The following SGTA variants were observed in gnomAD, a reference collection of about 807,000 sequenced individuals.
SGTA encodes the protein small glutamine rich tetratricopeptide repeat co-chaperone alpha, also known as small glutamine-rich tetratricopeptide repeat-containing protein alpha.
SGTA carries 22 observed loss-of-function variants against 44.3 expected under a neutral mutation model. That is an observed-to-expected ratio of 0.50 (90% confidence interval 0.36 to 0.71). SGTA has a LOEUF of 0.71. SGTA is among the 30% of genes least tolerant of loss of function. SGTA has a pLI of 0.00. For synonymous variants in SGTA, 174 were observed against 177.6 expected, an observed-to-expected ratio of 0.98 and a Z score of 0.16; for missense variants, 341 against 435.9, an observed-to-expected ratio of 0.78 and a Z score of 1.94.
chr19:2,773,965 G>A (rs1297410347), intron 1 of SGTA, among the ~76,000 whole-genome samples: 1 of 137,340 alleles, frequency 7.3e-6, no homozygotes, highest in Admixed American at 7.0e-5. Context: ...TGGGTGACGC[G>A]GCCACAGGGC....
At chr19:2,776,513 A>G (rs1291048926) in intron 1 of SGTA, among the ~76,000 whole-genome samples, 1 of 152,198 alleles carries the variant, frequency 6.6e-6, no homozygotes, top group Non-Finnish European at 1.5e-5. Flanking sequence ...ACAGAGACCA[A>G]AAGTGGAATT....
At chr19:2,756,059 G>T (rs773915184) in intron 11 of SGTA, 126 bp from the exon 12 acceptor site, 1 of 364,318 alleles carries the variant, frequency 2.7e-6, no homozygotes, top group Non-Finnish European at 3.8e-6. Context: ...TTCAACGAAC[G>T]TCAGAGCCAC....
At chr19:2,766,399 G>A (rs1408122113) in intron 4 of SGTA, among the ~76,000 whole-genome samples, 1 of 152,006 alleles carries the variant, frequency 6.6e-6, no homozygotes, top group Admixed American at 6.6e-5. Flanking sequence ...AGGCATTTAA[G>A]CTGTTTTTGC....
Position 2,765,328 on chromosome 19 carries a change from C to G in SGTA, c.293-43G>C, listed in dbSNP as rs1191423705. The G allele has an allele frequency of 6.9e-7, 1 of 1,455,838 alleles. No individual in the cohort carries two copies. Among genetic ancestry groups the G allele is most frequent in the Non-Finnish European group, 9.6e-7 (1 of 1,042,874 alleles). The allele number at this position is 1,455,838 out of a possible 1,614,324, so 90.2% of individuals were successfully genotyped here. ...AACACCGGCCCGGTGTCCACACAGACCGGAGGGGGTGTCAGGGAGAGAGGA... is the reference window on the plus strand; with the variant it reads ...AACACCGGCCCGGTGTCCACACAGAGCGGAGGGGGTGTCAGGGAGAGAGGA... On this transcript the variant is annotated intron_variant, in intron 4 of 11. Transcript: ENST00000221566. This position sits in a 1 kb window ranked among gnomAD's most constrained non-coding sequence, Gnocchi z 5.5.
At chr19:2,757,639 C>G (rs368414466) in intron 10 of SGTA, 54 bp downstream of exon 10, 12 of 1,471,994 alleles carry the variant, frequency 8.2e-6, no homozygotes, top group Non-Finnish European at 1.0e-5. Flanking sequence ...CTTCCGCCTG[C>G]GAGCCCTGCC....
At chr19:2,778,337 G>A (rs1169073271) in intron 1 of SGTA, among the ~76,000 whole-genome samples, 9 of 152,274 alleles carry the variant, frequency 5.9e-5, no homozygotes, top group African/African-American at 1.9e-4. Flanking sequence ...CTTAAACTGA[G>A]GTGTGAGAAC....
rs950379275 is a variant in SGTA, at chr19:2,763,809, G to A, written c.393-52C>T. ...CCTCACTGGCGGCTCTGAGCCCAGC[G>A]GGCAGCCCTTGAGGGGAGCCTGAGA... On this transcript the variant is annotated intron_variant, in intron 5 of 11. Coordinates refer to ENST00000221566, the MANE Select transcript of SGTA (RefSeq NM_003021.4). This position sits in a 1 kb window ranked among gnomAD's most constrained non-coding sequence, Gnocchi z 5.8. 56 of 1,497,166 alleles carry A rather than the reference G, an allele frequency of 3.7e-5. No homozygotes were observed. The highest frequency in any genetic ancestry group is 8.2e-5 in the South Asian group (7 of 85,818). The allele number at this position is 1,497,166 out of a possible 1,614,324, so 92.7% of individuals were successfully genotyped here.
chr19:2,772,824 G>C (rs10412264), intron 1 of SGTA, among the ~76,000 whole-genome samples: 31,730 of 93,314 alleles, frequency 0.34, 4,573 homozygotes, highest in East Asian at 0.58. Flanking sequence ...CGCGGCCACA[G>C]GGCAGGGACA....
chr19:2,755,974 G>A lies in SGTA; in HGVS notation c.*7-41C>T. ...CATGAAGGCTGTCAGAGCGCAGGTG[G>A]GGACCAAGGCTGCACCACACACTCC... is the stretch of plus-strand genomic sequence containing the variant. On this transcript the variant is annotated intron_variant, in intron 11 of 11. Coordinates refer to ENST00000221566, the MANE Select transcript of SGTA (RefSeq NM_003021.4). The surrounding 1 kb of genome is among the most constrained non-coding windows in gnomAD (Gnocchi z 5.2). 2.0e-6 allele frequency: 2 copies of A among 978,582 alleles called. No homozygotes were observed. The highest frequency in any genetic ancestry group is 2.4e-6 in the Non-Finnish European group (2 of 823,770). 60.6% of individuals were successfully genotyped at this position (978,582 alleles called of 1,614,324 possible). A position where few individuals can be genotyped will look rare whatever the true frequency, so the allele number is the denominator to read the frequency against.
At chr19:2,776,417 C>T (rs565093998) in intron 1 of SGTA, among the ~76,000 whole-genome samples, 21 of 152,338 alleles carry the variant, frequency 1.4e-4, no homozygotes, top group African/African-American at 2.6e-4. Flanking sequence ...ACCTTGAGGA[C>T]GTCGCACTCA....
At chr19:2,764,891 G>A (rs1178098797) in intron 5 of SGTA, among the ~76,000 whole-genome samples, 1 of 152,112 alleles carries the variant, frequency 6.6e-6, no homozygotes, top group African/African-American at 2.4e-5. Context: ...TACATTTTCT[G>A]TAGAGACGGG....
At position 2,765,643 on chromosome 19, in the gene SGTA, T is replaced by C. The variant is rs942815521; in HGVS notation, c.293-358A>G. On this transcript the variant is annotated intron_variant, in intron 4 of 11. Coordinates refer to ENST00000221566, the MANE Select transcript of SGTA (RefSeq NM_003021.4). This position sits in a 1 kb window ranked among gnomAD's most constrained non-coding sequence, Gnocchi z 5.5. ...GGGACGGAAACTGTCCCTTTCGCTA[T>C]TGCTTTTGGAAAGAGCCCAAGTGGA... Among the ~76,000 whole-genome samples, 50 of 152,330 alleles carry C rather than the reference T, an allele frequency of 3.3e-4. No individual in the cohort carries two copies. Among genetic ancestry groups the C allele is most frequent in the African/African-American group, 9.9e-4 (41 of 41,570 alleles).
chr19:2,763,774 AG>A lies in SGTA; in HGVS notation c.393-18del. The A allele has an allele frequency of 1.2e-6, 2 of 1,608,830 alleles. No homozygotes were observed. Among genetic ancestry groups the A allele is most frequent in the African/African-American group, 2.7e-5 (2 of 74,942 alleles). Reference sequence around the variant, plus strand: ...GCTGCGGCTCTGGGGAAGAAAAGGCAGGGCAGGTCCCTCACTGGCGGCTCTG... The same window carrying A: ...GCTGCGGCTCTGGGGAAGAAAAGGCAGGCAGGTCCCTCACTGGCGGCTCTG... On this transcript the variant is annotated intron_variant, in intron 5 of 11. Coordinates refer to ENST00000221566, the MANE Select transcript of SGTA (RefSeq NM_003021.4). This position sits in a 1 kb window ranked among gnomAD's most constrained non-coding sequence, Gnocchi z 5.8.
Position 2,755,593 on chromosome 19 carries a change from G to A in SGTA, c.*347C>T, listed in dbSNP as rs1239251576. 6.1e-6 allele frequency: 6 copies of A among 985,594 alleles called. No individual in the cohort carries two copies. The highest frequency in any genetic ancestry group is 5.1e-4 in the Middle Eastern group (1 of 1,954). 61.1% of individuals were successfully genotyped at this position (985,594 alleles called of 1,614,324 possible). ...TGGAAGCCACACGATCCGCCACACG[G>A]CTGAACGTGAAACCTGCCACTTCTC... On this transcript the variant is annotated 3_prime_UTR_variant, in exon 12 of 12. Coordinates refer to ENST00000221566, the MANE Select transcript of SGTA (RefSeq NM_003021.4). This position sits in a 1 kb window ranked among gnomAD's most constrained non-coding sequence, Gnocchi z 5.2.
chr19:2,764,884 A>G (rs1915096608), intron 5 of SGTA, among the ~76,000 whole-genome samples: 1 of 151,764 alleles, frequency 6.6e-6, no homozygotes, highest in Non-Finnish European at 1.5e-5. Flanking sequence ...TAATTTTTAC[A>G]TTTTCTGTAG....
intron 1 of SGTA, among the ~76,000 whole-genome samples, chr19:2,781,442 C>T (rs750794688): frequency 6.6e-6 from 1 of 152,296 alleles, no homozygotes; most frequent in African/African-American, 2.4e-5. Flanking sequence ...CTTCTTAGCT[C>T]GAAATCAACT....
At position 2,761,105 on chromosome 19, in the gene SGTA, G is replaced by T. The variant is rs1429497717; in HGVS notation, c.699+355C>A. Among the ~76,000 whole-genome samples, 1 of 152,244 alleles carries T rather than the reference G, an allele frequency of 6.6e-6. No homozygotes were observed. The highest frequency in any genetic ancestry group is 2.4e-5 in the African/African-American group (1 of 41,472). On this transcript the variant is annotated intron_variant, in intron 8 of 11. Coordinates refer to ENST00000221566, the MANE Select transcript of SGTA (RefSeq NM_003021.4). The surrounding 1 kb of genome is among the most constrained non-coding windows in gnomAD (Gnocchi z 5.7). The stretch of plus-strand genomic sequence containing the variant: ...CTGCTGTGTTGTGATCAGTGTCTCT[G>T]CACTGCGAGGAGGAGCCCACGCCAG...
Position 2,765,252 on chromosome 19 carries a change from G to C in SGTA, c.326C>G (p.Ala109Gly). Residue 109 changes from alanine (A) to glycine (G), a missense_variant, in exon 5 of 12, where the codon GCT becomes GGT. By Grantham distance (60) the Ala-to-Gly change is moderately conservative. Coordinates refer to ENST00000221566, the MANE Select transcript of SGTA (RefSeq NM_003021.4). This position sits in a 1 kb window ranked among gnomAD's most constrained non-coding sequence, Gnocchi z 5.5. ...GGCTTTTCCGTAGAAATGCACGGCA[G>C]CTTCAAAGTTTTCCACTTTCATCTG... ...NEQMKVENFE[A>G]AVHFYGKAIE... is the part of the protein sequence containing the mutation. The C allele has an allele frequency of 1.2e-6, 2 of 1,613,634 alleles. No individual in the cohort carries two copies.
chr19:2,769,526 G>T (rs969944181), intron 1 of SGTA, among the ~76,000 whole-genome samples: 1 of 152,220 alleles, frequency 6.6e-6, no homozygotes, highest in African/African-American at 2.4e-5. Flanking sequence ...AGTGCTGAGA[G>T]GGAGAGACCT....
Sources: allele counts gnomAD v4.1 joint callset (sites outside exome capture counted in the v4.1 genomes callset), GRCh38; gene constraint gnomAD v4.1.1; non-coding constraint Gnocchi (gnomAD v3.1); transcripts MANE v1.5; gene names NCBI Gene and HGNC (gene_info 2026-07-23, HGNC 2026-07-21).